The following SUMF1 variants were observed in gnomAD, a reference collection of about 807,000 sequenced individuals.
The protein encoded by SUMF1 is sulfatase modifying factor 1, also known as formylglycine-generating enzyme.
In SUMF1, 48 loss-of-function variants were observed where a neutral mutation model predicts 47.6. That is an observed-to-expected ratio of 1.01 (90% CI 0.80 to 1.28). The LOEUF (loss-of-function observed/expected upper bound fraction) is 1.28. Among genes scored for constraint, SUMF1 ranks in the 50% most tolerant of loss-of-function variants. The pLI is 0.00. For synonymous variants in SUMF1, 230 were observed against 192.1 expected (o/e 1.20, Z -1.63); for missense variants, 571 against 485.4 (o/e 1.18, Z -1.66).
intron 9 of SUMF1, among the ~76,000 whole-genome samples, chr3:4,038,838 G>T (rs1478633727): frequency 6.6e-6 from 1 of 152,190 alleles, no homozygotes; most frequent in African/African-American, 2.4e-5. Flanking sequence ...GGATAGCTAA[G>T]TTTTACCAGG....
intron 5 of SUMF1, 72 bp downstream of exon 5, chr3:4,417,938 G>A: frequency 6.2e-7 from 1 of 1,609,082 alleles, no homozygotes; most frequent in Non-Finnish European, 8.5e-7. Flanking sequence ...TAAGTTCCAT[G>A]GAGTTTTTTG....
At chr3:4,206,225 G>A (rs1397504490) in intron 8 of SUMF1, among the ~76,000 whole-genome samples, 3 of 151,690 alleles carry the variant, frequency 2.0e-5, no homozygotes, top group Non-Finnish European at 4.4e-5. Context: ...GACTGGCCTT[G>A]GGGAAGGGTG....
chr3:4,080,596 A>G (rs1251450517), intron 8 of SUMF1, among the ~76,000 whole-genome samples: 1 of 152,206 alleles, frequency 6.6e-6, no homozygotes, highest in Admixed American at 6.5e-5. Context: ...TAAGCATCCA[A>G]ACAATGTTCT....
intron 8 of SUMF1, among the ~76,000 whole-genome samples, chr3:4,176,356 A>G (rs755575870): frequency 5.9e-5 from 9 of 152,190 alleles, no homozygotes; most frequent in Admixed American, 5.2e-4. Flanking sequence ...GAAACCCTAC[A>G]AGCTAGAAGA....
At chr3:4,144,135 T>A (rs559399894) in intron 8 of SUMF1, among the ~76,000 whole-genome samples, 2 of 151,848 alleles carry the variant, frequency 1.3e-5, no homozygotes, top group African/African-American at 4.8e-5. Context: ...CTGGCTAATT[T>A]TTTTATTTTT....
intron 3 of SUMF1, among the ~76,000 whole-genome samples, chr3:4,444,729 A>G (rs775335194): frequency 5.3e-5 from 8 of 152,244 alleles, no homozygotes; most frequent in Non-Finnish European, 8.8e-5. Flanking sequence ...AAATCACAAA[A>G]TGGAAGTATC....
At chr3:4,307,973 C>T (rs1698256725) in intron 8 of SUMF1, among the ~76,000 whole-genome samples, 1 of 152,066 alleles carries the variant, frequency 6.6e-6, no homozygotes, top group East Asian at 1.9e-4. Context: ...GCAGTTGGAG[C>T]CTGCAGTGAG....
chr3:4,139,542 T>C (rs1163427743), intron 8 of SUMF1, among the ~76,000 whole-genome samples: 1 of 149,464 alleles, frequency 6.7e-6, no homozygotes, highest in Non-Finnish European at 1.5e-5. Flanking sequence ...TGTGTGTATA[T>C]ATGTATAATA....
At chr3:4,255,700 G>A (rs1180908195) in intron 8 of SUMF1, among the ~76,000 whole-genome samples, 3 of 138,244 alleles carry the variant, frequency 2.2e-5, no homozygotes, top group Non-Finnish European at 4.6e-5. Context: ...ACATTAGACA[G>A]ATCAACGAGA....
intron 8 of SUMF1, among the ~76,000 whole-genome samples, chr3:4,088,819 A>G (rs1692725373): frequency 6.6e-6 from 1 of 152,126 alleles, no homozygotes; most frequent in African/African-American, 2.4e-5. Flanking sequence ...CACCTGACTC[A>G]ATATGTGTAA....
At chr3:4,172,798 C>T (rs1267154467) in intron 8 of SUMF1, among the ~76,000 whole-genome samples, 1 of 152,070 alleles carries the variant, frequency 6.6e-6, no homozygotes, top group Non-Finnish European at 1.5e-5. Context: ...AATTTTCTCC[C>T]ATTCTGTAGG....
chr3:4,136,071 A>G (rs2125091714), intron 8 of SUMF1, among the ~76,000 whole-genome samples: 1 of 152,286 alleles, frequency 6.6e-6, no homozygotes, highest in Admixed American at 6.5e-5. Flanking sequence ...TATAGATTCA[A>G]TGCCATCCCC....
At chr3:4,167,454 T>C (rs1694734003) in intron 8 of SUMF1, among the ~76,000 whole-genome samples, 1 of 152,182 alleles carries the variant, frequency 6.6e-6, no homozygotes, top group Non-Finnish European at 1.5e-5. Flanking sequence ...TGGTCCATTT[T>C]ACAGGGTGCT....
At chr3:4,240,118 T>C (rs1031470216) in intron 8 of SUMF1, among the ~76,000 whole-genome samples, 1 of 152,130 alleles carries the variant, frequency 6.6e-6, no homozygotes, top group Admixed American at 6.6e-5. Flanking sequence ...GGGATGAAGC[T>C]GACTTGATGG....
intron 8 of SUMF1, among the ~76,000 whole-genome samples, chr3:4,160,170 T>C (rs1470230850): frequency 6.6e-6 from 1 of 152,130 alleles, no homozygotes; most frequent in Non-Finnish European, 1.5e-5. Flanking sequence ...CTCTACCTCC[T>C]CTTTAAGGCC....
At chr3:4,319,419 A>G (rs539008397) in intron 8 of SUMF1, among the ~76,000 whole-genome samples, 7 of 152,320 alleles carry the variant, frequency 4.6e-5, no homozygotes, top group Admixed American at 3.9e-4. Flanking sequence ...GGAGGCTTAC[A>G]TAGTGAGGGA....
intron 8 of SUMF1, among the ~76,000 whole-genome samples, chr3:4,253,056 TA>T (rs1559616076): frequency 6.6e-6 from 1 of 152,176 alleles, no homozygotes; most frequent in South Asian, 2.1e-4. Flanking sequence ...TTAAATTTTT[TA>T]AAAATCTAGC....
chr3:4,428,234 T>C (rs150992536), intron 3 of SUMF1, among the ~76,000 whole-genome samples: 31 of 152,260 alleles, frequency 2.0e-4, no homozygotes, highest in African/African-American at 7.2e-4. Context: ...TACATCAATA[T>C]ATAGAGACAC....
At chr3:4,421,327 C>A (rs916765274) in intron 3 of SUMF1, among the ~76,000 whole-genome samples, 1 of 152,122 alleles carries the variant, frequency 6.6e-6, no homozygotes, top group Non-Finnish European at 1.5e-5. Context: ...AATACGCATA[C>A]AGGACTTATG....
Sources: gnomAD v4.1 joint callset for allele counts (sites outside exome capture counted in the v4.1 genomes callset) on GRCh38, gnomAD v4.1.1 for gene constraint, MANE v1.5 for transcripts, NCBI Gene and HGNC (gene_info 2026-07-23, HGNC 2026-07-21) for gene names.